The following DYNLL1 variants were observed in gnomAD, a reference collection of about 807,000 sequenced individuals.
DYNLL1 encodes the protein dynein light chain 1, cytoplasmic.
Under a neutral mutation model 10.1 loss-of-function variants are expected in DYNLL1, and 3 were observed. The observed-to-expected ratio is 0.30, with a 90% CI of 0.14 to 0.77. DYNLL1 has a LOEUF of 0.77. DYNLL1 is among the 30% of genes least tolerant of loss of function. The pLI, the probability that DYNLL1 is intolerant of heterozygous loss-of-function variation, is 0.66. For synonymous variants in DYNLL1, 46 were observed against 41.2 expected (o/e 1.12, Z -0.45); for missense variants, 47 against 111.7 (o/e 0.42, Z 2.61).
intron 1 of DYNLL1, among the ~76,000 whole-genome samples, chr12:120,483,571 G>C (rs1022391562): frequency 2.6e-5 from 4 of 152,106 alleles, no homozygotes; most frequent in African/African-American, 9.7e-5. Context: ...GAGTAGAATA[G>C]GTCTGTTGTG....
chr12:120,482,068 A>G (rs1229542659), intron 1 of DYNLL1, among the ~76,000 whole-genome samples: 1 of 152,124 alleles, frequency 6.6e-6, no homozygotes, highest in Non-Finnish European at 1.5e-5. Context: ...CAAAGACTAA[A>G]CCTGAGGGTA....
chr12:120,498,468 T>G lies in DYNLL1; in HGVS notation c.*258T>G. 2.7e-6 allele frequency: 1 copy of G among 370,910 alleles called. No homozygotes were observed. The highest frequency in any genetic ancestry group is 5.4e-5 in the South Asian group (1 of 18,520). The allele number at this position is 370,910 out of a possible 1,614,324, so 23.0% of individuals were successfully genotyped here. A position where few individuals can be genotyped will look rare whatever the true frequency, so the allele number is the denominator to read the frequency against. The stretch of plus-strand genomic sequence containing the variant: ...TGTTTTCTCTCAAAATCCATTCCTT[T>G]AAAAAATAAATCTGATGCAGATGTG... On this transcript the variant is annotated 3_prime_UTR_variant, in exon 3 of 3. Coordinates refer to ENST00000242577, the MANE Select transcript of DYNLL1 (RefSeq NM_003746.3).
chr12:120,489,151 G>A (rs566050609), intron 1 of DYNLL1, among the ~76,000 whole-genome samples: 3 of 152,240 alleles, frequency 2.0e-5, no homozygotes, highest in East Asian at 3.9e-4. Flanking sequence ...CCATCTACAC[G>A]TACTCCGCCC....
chr12:120,489,571 A>G (rs1041728946), intron 1 of DYNLL1, among the ~76,000 whole-genome samples: 6 of 152,048 alleles, frequency 3.9e-5, no homozygotes, highest in Non-Finnish European at 7.4e-5. Context: ...GACTGCTGCA[A>G]TAGCCTCTAA....
intron 1 of DYNLL1, among the ~76,000 whole-genome samples, chr12:120,471,865 C>T (rs1878659444): frequency 6.6e-6 from 1 of 152,144 alleles, no homozygotes; most frequent in Non-Finnish European, 1.5e-5. Context: ...CCTGCCTCAG[C>T]CTCCCAAAGT....
intron 1 of DYNLL1, among the ~76,000 whole-genome samples, chr12:120,487,427 G>A (rs917322492): frequency 6.6e-6 from 1 of 150,614 alleles, no homozygotes; most frequent in African/African-American, 2.4e-5. Context: ...CTCCCGAGTA[G>A]CTGGGACTAC....
At chr12:120,491,635 A>G (rs1231078023), upstream of DYNLL1, 1 of 152,390 alleles carries the variant, frequency 6.6e-6, no homozygotes, top group African/African-American at 2.4e-5. Flanking sequence ...GGAACAGGCC[A>G]CGGTCCTACT....
upstream of DYNLL1, among the ~76,000 whole-genome samples, chr12:120,492,366 G>C (rs540101296): frequency 2.6e-5 from 4 of 152,210 alleles, no homozygotes; most frequent in South Asian, 4.1e-4. This position sits in a 1 kb window ranked among gnomAD's most constrained non-coding sequence, Gnocchi z 4.1. Flanking sequence ...TCTGGAGTTC[G>C]AGACCAGCCT....
intron 1 of DYNLL1, among the ~76,000 whole-genome samples, chr12:120,482,798 G>A (rs1254233659): frequency 6.6e-6 from 1 of 152,176 alleles, no homozygotes; most frequent in Non-Finnish European, 1.5e-5. Flanking sequence ...ACATAGAGCA[G>A]TGAGACAGAA....
chr12:120,496,017 G>A, upstream of DYNLL1: 1 of 309,788 alleles, frequency 3.2e-6, no homozygotes, highest in Non-Finnish European at 6.1e-6. Context: ...GCCGTGGGCT[G>A]CGTCAAGCCA....
intron 1 of DYNLL1, among the ~76,000 whole-genome samples, chr12:120,484,663 A>T (rs1878952663): frequency 6.6e-6 from 1 of 152,152 alleles, no homozygotes; most frequent in Non-Finnish European, 1.5e-5. Flanking sequence ...AGAACAAAGC[A>T]CTGTTACAAT....
intron 2 of DYNLL1, 56 bp downstream of exon 2, chr12:120,496,609 CG>C: frequency 2.5e-6 from 4 of 1,613,570 alleles, no homozygotes; most frequent in Non-Finnish European, 3.4e-6. Flanking sequence ...TCCTTCCCCC[CG>C]ATCCTGCTTT....
In DYNLL1 at chr12:120,498,436, C is replaced by T. The variant is rs1676549350; in HGVS notation, c.*226C>T. 2 of 448,206 alleles carry T rather than the reference C, an allele frequency of 4.5e-6. No homozygotes were observed. Among genetic ancestry groups the T allele is most frequent in the East Asian group, 3.8e-5 (1 of 26,196 alleles). The allele number at this position is 448,206 out of a possible 1,614,324, so 27.8% of individuals were successfully genotyped here. A position where few individuals can be genotyped will look rare whatever the true frequency, so the allele number is the denominator to read the frequency against. On this transcript the variant is annotated 3_prime_UTR_variant, in exon 3 of 3. Coordinates refer to ENST00000242577, the MANE Select transcript of DYNLL1 (RefSeq NM_003746.3). ...ATTTATTTTCTATTCCATACTTCTGCCCACGTTGTTTTCTCTCAAAATCCA... is the reference window on the plus strand; with the variant it reads ...ATTTATTTTCTATTCCATACTTCTGTCCACGTTGTTTTCTCTCAAAATCCA...
chr12:120,471,287 CG>C, intron 1 of DYNLL1, among the ~76,000 whole-genome samples: 1 of 148,512 alleles, frequency 6.7e-6, no homozygotes, highest in South Asian at 2.2e-4. Context: ...GCACGAGAAT[CG>C]CTTGAATCTG....
Position 120,498,184 on chromosome 12 carries a change from G to C in DYNLL1, c.244G>C (p.Ala82Pro). 1.2e-6 allele frequency: 2 copies of C among 1,613,790 alleles called. No individual in the cohort carries two copies. The highest frequency in any genetic ancestry group is 1.7e-6 in the Non-Finnish European group (2 of 1,179,964). Residue 82 changes from alanine to proline, a missense_variant, in exon 3 of 3, where the codon GCC (alanine) becomes CCC (proline). Coordinates refer to ENST00000242577, the MANE Select transcript of DYNLL1 (RefSeq NM_003746.3). Reference sequence around the variant, plus strand: ...CATCTACTTCTACCTGGGCCAAGTGGCCATTCTTCTGTTCAAATCTGGTTA... The same window carrying C: ...CATCTACTTCTACCTGGGCCAAGTGCCCATTCTTCTGTTCAAATCTGGTTA... ...HFIYFYLGQV[A>P]ILLFKSG
Position 120,496,526 on chromosome 12 carries a change from G to A in DYNLL1, c.105G>A (p.Glu35=). The A allele has an allele frequency of 6.2e-7, 1 of 1,614,182 alleles. No individual in the cohort carries two copies. Among genetic ancestry groups the A allele is most frequent in the Non-Finnish European group, 8.5e-7 (1 of 1,180,030 alleles). ...AGGCGCTGGAGAAATACAACATAGA[G>A]AAGGACATTGCGGCTCATATCAAGA... is the stretch of plus-strand genomic sequence containing the variant. ...ATQALEKYNI[E]KDIAAHIKKE... is the part of the protein sequence containing the mutation. The change falls in exon 2 of 3, where the codon GAG becomes GAA. Residue 35 remains glutamate, a synonymous_variant. Transcript: ENST00000242577.
upstream of DYNLL1, among the ~76,000 whole-genome samples, chr12:120,493,303 C>G (rs1173714928): frequency 6.6e-6 from 1 of 152,058 alleles, no homozygotes; most frequent in East Asian, 1.9e-4. Context: ...TTAGGGAGGC[C>G]AAGGCAGGCG....
At chr12:120,476,208 AAGC>A (rs1190712867) in intron 1 of DYNLL1, among the ~76,000 whole-genome samples, 2 of 152,314 alleles carry the variant, frequency 1.3e-5, no homozygotes, top group Middle Eastern at 3.4e-3. Flanking sequence ...GTTTTATACT[AAGC>A]AGATTTTTAA....
chr12:120,479,310 C>T (rs1448481816), intron 1 of DYNLL1, among the ~76,000 whole-genome samples: 4 of 145,242 alleles, frequency 2.8e-5, no homozygotes, highest in Non-Finnish European at 4.5e-5. Flanking sequence ...AAAAATTAGA[C>T]GGGCATGGTG....
Sources: allele counts gnomAD v4.1 joint callset (sites outside exome capture counted in the v4.1 genomes callset), GRCh38; gene constraint gnomAD v4.1.1; non-coding constraint Gnocchi (gnomAD v3.1); transcripts MANE v1.5; gene names NCBI Gene and HGNC (gene_info 2026-07-23, HGNC 2026-07-21).